GPC6: variants seen among roughly 807,000 people sequenced by gnomAD.
The protein encoded by GPC6 is glypican-6.
In GPC6, 14 loss-of-function variants were observed where a neutral mutation model predicts 55.2. The observed-to-expected ratio is 0.25, with a 90% CI of 0.17 to 0.40. The LOEUF (loss-of-function observed/expected upper bound fraction) is 0.40, where lower values mean the gene tolerates loss of function less well. Ranked by LOEUF, GPC6 falls within the 10% of genes least tolerant of loss-of-function variation. The pLI, the probability that GPC6 is intolerant of heterozygous loss-of-function variation, is 1.00. For missense variants in GPC6, 641 were observed against 708.5 expected (o/e 0.90, Z 1.08); for synonymous variants, 278 against 259.6 (o/e 1.07, Z -0.68).
intron 5 of GPC6, among the ~76,000 whole-genome samples, chr13:94,295,443 T>A (rs1030401702): frequency 6.6e-6 from 1 of 152,148 alleles, no homozygotes; most frequent in Non-Finnish European, 1.5e-5. Context: ...GCACCTAAGG[T>A]CGGAAGATCA....
At chr13:93,289,286 G>C (rs1878239714) in intron 1 of GPC6, among the ~76,000 whole-genome samples, 1 of 152,088 alleles carries the variant, frequency 6.6e-6, no homozygotes, top group Non-Finnish European at 1.5e-5. Context: ...CATTTAATCT[G>C]CCTTCACTCC....
chr13:94,228,365 T>C (rs1890619524), intron 4 of GPC6, among the ~76,000 whole-genome samples: 1 of 152,184 alleles, frequency 6.6e-6, no homozygotes, highest in African/African-American at 2.4e-5. Context: ...ATGTATTTAT[T>C]ATTTTTCATT....
At chr13:93,738,303 A>G (rs1239728213) in intron 2 of GPC6, among the ~76,000 whole-genome samples, 1 of 152,118 alleles carries the variant, frequency 6.6e-6, no homozygotes, top group East Asian at 1.9e-4. Context: ...CTTTTGGCCT[A>G]CAGTAGACAG....
intron 6 of GPC6, among the ~76,000 whole-genome samples, chr13:94,342,834 T>G (rs1294890767): frequency 6.6e-6 from 1 of 152,092 alleles, no homozygotes; most frequent in East Asian, 1.9e-4. Flanking sequence ...TCCTCAGTCC[T>G]AGACTGTCTC....
intron 4 of GPC6, among the ~76,000 whole-genome samples, chr13:94,107,974 T>C (rs563996595): frequency 1.8e-4 from 27 of 152,240 alleles, no homozygotes; most frequent in Non-Finnish European, 3.7e-4. Flanking sequence ...TGGAAAACAG[T>C]GTGGACATTC....
chr13:94,158,361 A>T (rs1329938638), intron 4 of GPC6, among the ~76,000 whole-genome samples: 1 of 139,338 alleles, frequency 7.2e-6, no homozygotes, highest in Non-Finnish European at 1.6e-5. Context: ...CCTTTCTTGT[A>T]CATATTTTGA....
chr13:93,636,669 C>T (rs975409020), intron 2 of GPC6, among the ~76,000 whole-genome samples: 6 of 152,134 alleles, frequency 3.9e-5, no homozygotes, highest in Admixed American at 3.9e-4. Flanking sequence ...ATAAGATCAC[C>T]TTGTACATTC....
intron 2 of GPC6, among the ~76,000 whole-genome samples, chr13:93,712,975 A>G (rs1259206550): frequency 6.6e-6 from 1 of 151,594 alleles, no homozygotes; most frequent in East Asian, 1.9e-4. Context: ...ATTTTCAATC[A>G]AAATATAATA....
intron 1 of GPC6, among the ~76,000 whole-genome samples, chr13:93,527,569 G>C (rs1377823899): frequency 6.6e-6 from 1 of 152,100 alleles, no homozygotes; most frequent in Non-Finnish European, 1.5e-5. Flanking sequence ...CCCTAGGTTG[G>C]AAAGGATGCT....
At chr13:93,509,566 G>C (rs1880867542) in intron 1 of GPC6, among the ~76,000 whole-genome samples, 1 of 152,154 alleles carries the variant, frequency 6.6e-6, no homozygotes, top group African/African-American at 2.4e-5. Context: ...CCCTTGAAGA[G>C]TATTTGCTTA....
chr13:93,665,240 G>T (rs562139943), intron 2 of GPC6, among the ~76,000 whole-genome samples: 9 of 152,268 alleles, frequency 5.9e-5, no homozygotes, highest in African/African-American at 1.9e-4. Flanking sequence ...ATAAGTAATG[G>T]TATATCCATA....
chr13:93,713,483 A>G (rs1053923674), intron 2 of GPC6, among the ~76,000 whole-genome samples: 3 of 151,654 alleles, frequency 2.0e-5, no homozygotes, highest in South Asian at 2.1e-4. Context: ...ACGTACAAAT[A>G]TATTTATTTT....
chr13:93,562,192 T>C (rs1875848129), intron 2 of GPC6, among the ~76,000 whole-genome samples: 3 of 152,172 alleles, frequency 2.0e-5, no homozygotes, highest in South Asian at 4.2e-4. Context: ...CCTTATTTAG[T>C]GCCGTTACCA....
chr13:93,457,366 T>G (rs906277764), intron 1 of GPC6, among the ~76,000 whole-genome samples: 1 of 152,210 alleles, frequency 6.6e-6, no homozygotes, highest in Non-Finnish European at 1.5e-5. Flanking sequence ...AAGGTCACAT[T>G]CTGAGCTACT....
chr13:93,388,913 A>C (rs1459614927), intron 1 of GPC6, among the ~76,000 whole-genome samples: 1 of 152,298 alleles, frequency 6.6e-6, no homozygotes, highest in East Asian at 1.9e-4. Context: ...CAGTGAATGC[A>C]CAGCGTTGCC....
intron 2 of GPC6, among the ~76,000 whole-genome samples, chr13:93,728,653 A>T (rs1031476931): frequency 6.6e-6 from 1 of 151,752 alleles, no homozygotes; most frequent in African/African-American, 2.4e-5. Flanking sequence ...TGCAGCCTCT[A>T]CCTCCTGGGT....
intron 3 of GPC6, among the ~76,000 whole-genome samples, chr13:93,955,243 G>GCA (rs10524254): frequency 0.021 from 2,889 of 136,126 alleles, 19 homozygotes; most frequent in Middle Eastern, 0.027. Flanking sequence ...GAATGAACAT[G>GCA]CACACACACA....
chr13:93,505,108 A>G (rs746885903), intron 1 of GPC6, among the ~76,000 whole-genome samples: 2 of 152,220 alleles, frequency 1.3e-5, no homozygotes, highest in African/African-American at 4.8e-5. Flanking sequence ...TCTGGAGTTC[A>G]GATTGCATTA....
chr13:93,889,615 G>C (rs1157260607), intron 3 of GPC6, among the ~76,000 whole-genome samples: 1 of 152,110 alleles, frequency 6.6e-6, no homozygotes, highest in Non-Finnish European at 1.5e-5. Flanking sequence ...GTGGTACTTT[G>C]TAATGAAGCT....
Sources: gnomAD v4.1 joint callset for allele counts (sites outside exome capture counted in the v4.1 genomes callset) on GRCh38, gnomAD v4.1.1 for gene constraint, MANE v1.5 for transcripts, NCBI Gene and HGNC (gene_info 2026-07-23, HGNC 2026-07-21) for gene names.